CCDC148: variants seen among roughly 807,000 people sequenced by gnomAD.
CCDC148 encodes coiled-coil domain containing 148, also known as coiled-coil domain-containing protein 148.
In CCDC148, 89 loss-of-function variants were observed where a neutral mutation model predicts 85.7. The ratio of observed to expected loss-of-function variants is 1.04; its 90% confidence interval spans 0.87 to 1.24. The LOEUF is 1.24. Ranked by LOEUF, CCDC148 falls within the 50% of genes most tolerant of loss-of-function variation. The probability of loss-of-function intolerance (pLI) is 0.00; values close to 1 mark genes in which losing one functional copy is unlikely to be tolerated. For missense variants in CCDC148, 692 were observed against 671.7 expected, an observed-to-expected ratio of 1.03 and a Z score of -0.33; for synonymous variants, 230 against 213.9, an observed-to-expected ratio of 1.08 and a Z score of -0.66.
At chr2:158,448,826 TTTTG>T (rs749622444) in intron 1 of CCDC148, among the ~76,000 whole-genome samples, 5 of 152,008 alleles carry the variant, frequency 3.3e-5, no homozygotes, top group South Asian at 2.1e-4. Context: ...TTGTTGTTGT[TTTTG>T]TTTGTTTGTT....
At chr2:158,275,180 T>C (rs191657047) in intron 9 of CCDC148, among the ~76,000 whole-genome samples, 1 of 152,228 alleles carries the variant, frequency 6.6e-6, no homozygotes, top group Non-Finnish European at 1.5e-5. Context: ...GCTAAGAATC[T>C]GTAGAATAAA....
At chr2:158,238,511 A>G (rs1688210141) in intron 10 of CCDC148, among the ~76,000 whole-genome samples, 1 of 152,152 alleles carries the variant, frequency 6.6e-6, no homozygotes, top group Non-Finnish European at 1.5e-5. Context: ...TGAGGAGGCG[A>G]TGAAGAAGGT....
intron 3 of CCDC148, 120 bp from the exon 4 acceptor site, chr2:158,340,800 T>A: frequency 1.6e-6 from 1 of 638,824 alleles, no homozygotes; most frequent in Non-Finnish European, 2.7e-6. Flanking sequence ...TTAAACCATG[T>A]ACTAAATTCC....
chr2:158,443,156 A>G (rs1346806453), intron 1 of CCDC148, among the ~76,000 whole-genome samples: 2 of 151,964 alleles, frequency 1.3e-5, no homozygotes, highest in African/African-American at 2.4e-5. Context: ...GGGGAAAGGC[A>G]TATCTTGAAC....
At chr2:158,369,342 A>G (rs1053810346) in intron 1 of CCDC148, among the ~76,000 whole-genome samples, 2 of 152,030 alleles carry the variant, frequency 1.3e-5, no homozygotes, top group Admixed American at 1.3e-4. Context: ...GTCCTCTCTT[A>G]TTTCCTTGAG....
At chr2:158,333,192 A>G (rs1378047834) in intron 7 of CCDC148, among the ~76,000 whole-genome samples, 1 of 152,108 alleles carries the variant, frequency 6.6e-6, no homozygotes, top group South Asian at 2.1e-4. Context: ...ATTGCTTTAA[A>G]TGTGTCCCAG....
At chr2:158,371,330 T>G (rs966181218) in intron 1 of CCDC148, among the ~76,000 whole-genome samples, 1 of 152,008 alleles carries the variant, frequency 6.6e-6, no homozygotes, top group African/African-American at 2.4e-5. Flanking sequence ...ACGTCATTTT[T>G]TAATGCTCTT....
chr2:158,176,852 T>C (rs1684614928), intron 12 of CCDC148, among the ~76,000 whole-genome samples, 191 bp from the exon 13 acceptor site: 1 of 152,036 alleles, frequency 6.6e-6, no homozygotes, highest in South Asian at 2.1e-4. Context: ...AACAAGACAA[T>C]ACATATAAGA....
chr2:158,381,066 T>C (rs1206277604), intron 1 of CCDC148: 1 of 152,152 alleles, frequency 6.6e-6, no homozygotes, highest in African/African-American at 2.4e-5. Context: ...GGCAAAGATT[T>C]CTTTTTAAAA....
At chr2:158,434,969 G>C (rs1687567248) in intron 1 of CCDC148, among the ~76,000 whole-genome samples, 1 of 152,140 alleles carries the variant, frequency 6.6e-6, no homozygotes, top group African/African-American at 2.4e-5. Flanking sequence ...AAGAAATATG[G>C]GACTATGTGA....
In CCDC148 at chr2:158,445,894, T is replaced by C. The variant is rs1425939526; in HGVS notation, c.25+10521A>G. On this transcript the variant is annotated intron_variant, in intron 1 of 13. Coordinates refer to ENST00000283233, the MANE Select transcript of CCDC148 (RefSeq NM_138803.4). ...ATGTGATGGACTATGCTTCACTACT[T>C]GAAAATCTTGGTTTAATGGTTGGTC... Among the ~76,000 whole-genome samples the C allele has an allele frequency of 3.3e-5, 5 of 152,178 alleles. No homozygotes were observed. The East Asian group carries it at 9.6e-4, about 29-fold the overall frequency.
At chr2:158,313,401 C>T (rs1459027973) in intron 8 of CCDC148, among the ~76,000 whole-genome samples, 1 of 152,204 alleles carries the variant, frequency 6.6e-6, no homozygotes, top group African/African-American at 2.4e-5. Context: ...AGGCATTTCA[C>T]TTTCAGGCAA....
intron 10 of CCDC148, among the ~76,000 whole-genome samples, chr2:158,231,871 T>C (rs1687872464): frequency 6.6e-6 from 1 of 152,114 alleles, no homozygotes; most frequent in Non-Finnish European, 1.5e-5. Context: ...CTAAGGACAG[T>C]TCCATTCACT....
chr2:158,285,068 A>T (rs895233234), intron 9 of CCDC148, among the ~76,000 whole-genome samples: 3 of 152,160 alleles, frequency 2.0e-5, no homozygotes, highest in African/African-American at 7.2e-5. Context: ...TGGGTGGATC[A>T]CCTGAGGTCA....
chr2:158,171,097 G>A lies in CCDC148; in HGVS notation c.*1016C>T, dbSNP rs909902281. The A allele has an allele frequency of 2.0e-5, 3 of 151,908 alleles. No individual in the cohort carries two copies. The highest frequency in any genetic ancestry group is 1.9e-4 in the East Asian group (1 of 5,168). The allele number at this position is 151,908 out of a possible 1,614,324, so 9.4% of individuals were successfully genotyped here. On this transcript the variant is annotated 3_prime_UTR_variant, in exon 14 of 14. Transcript: ENST00000283233. ...ATCTTTTGTGAAGATTTATTCTAAC[G>A]GGACTGTACTTGTATTTTTTATTTC...
intron 10 of CCDC148, among the ~76,000 whole-genome samples, chr2:158,229,361 C>T (rs1687735516): frequency 6.6e-6 from 1 of 152,124 alleles, no homozygotes; most frequent in African/African-American, 2.4e-5. Flanking sequence ...TAGGCTGCAA[C>T]AATTGTGAGA....
At chr2:158,332,017 A>T (rs922703835) in intron 7 of CCDC148, among the ~76,000 whole-genome samples, 5 of 152,226 alleles carry the variant, frequency 3.3e-5, no homozygotes, top group Non-Finnish European at 7.4e-5. Flanking sequence ...TTTAAGATTA[A>T]TATTGTTATG....
chr2:158,190,574 G>A (rs1685376104), intron 11 of CCDC148, among the ~76,000 whole-genome samples: 1 of 151,800 alleles, frequency 6.6e-6, no homozygotes, highest in East Asian at 1.9e-4. Context: ...ATACTAATTG[G>A]GTAATTTGCA....
At position 158,456,643 on chromosome 2, in the gene CCDC148, G is replaced by C. The variant is rs1688766348; in HGVS notation, c.-204C>G. On this transcript the variant is annotated 5_prime_UTR_variant, in exon 1 of 14. Coordinates refer to ENST00000283233, the MANE Select transcript of CCDC148 (RefSeq NM_138803.4). The stretch of plus-strand genomic sequence containing the variant: ...CCCAGATTTCAGAGCCAGCGCTGGG[G>C]AATCTCCCTGTCCTCTCCGCCACCC... 5 of 646,160 alleles carry C rather than the reference G, an allele frequency of 7.7e-6. No individual in the cohort carries two copies. The East Asian group carries it at 1.4e-4, about 18-fold the overall frequency. The allele number at this position is 646,160 out of a possible 1,614,324, so 40.0% of individuals were successfully genotyped here.
Sources: gnomAD v4.1 joint callset for allele counts (sites outside exome capture counted in the v4.1 genomes callset) on GRCh38, gnomAD v4.1.1 for gene constraint, MANE v1.5 for transcripts, NCBI Gene and HGNC (gene_info 2026-07-23, HGNC 2026-07-21) for gene names.